Variants in PDC observed in about 807,000 individuals in gnomAD.
PDC encodes the protein 33 kDa phototransducing protein.
In PDC, 19 loss-of-function variants were observed where a neutral mutation model predicts 22.2. The ratio of observed to expected loss-of-function variants is 0.86; its 90% CI spans 0.60 to 1.26. PDC has a LOEUF of 1.26. PDC is among the 50% of genes most tolerant of loss of function. The pLI is 0.00. For missense variants in PDC, 274 were observed against 286.8 expected, an observed-to-expected ratio of 0.96 and a Z score of 0.32; for synonymous variants, 97 against 96.2, an observed-to-expected ratio of 1.01 and a Z score of -0.05.
In PDC at chr1:186,444,340, A is replaced by G. The variant is rs757024258; in HGVS notation, c.380T>C (p.Ile127Thr). The change falls in exon 4 of 4, where the codon ATT (isoleucine) becomes ACT (threonine). Residue 127 changes from isoleucine (I) to threonine (T), a missense_variant. By Grantham distance (89) the Ile-to-Thr change is moderately conservative (BLOSUM62 -1). Coordinates refer to ENST00000391997, the MANE Select transcript of PDC (RefSeq NM_002597.5). ...TGTGGTGATCTTCAGTTCCTTTTCAATTGTTTCTAGGAATTGCTTTCCAGT... is the reference window on the plus strand; with the variant it reads ...TGTGGTGATCTTCAGTTCCTTTTCAGTTGTTTCTAGGAATTGCTTTCCAGT... ...LETGKQFLET[I>T]EKELKITTIV... The G allele has an allele frequency of 2.2e-5, 35 of 1,614,010 alleles. No homozygotes were observed. Among genetic ancestry groups the G allele is most frequent in the Middle Eastern group, 1.7e-4 (1 of 6,060 alleles).
At chr1:186,450,530 G>C (rs762785559) in intron 1 of PDC, among the ~76,000 whole-genome samples, 7 of 151,428 alleles carry the variant, frequency 4.6e-5, no homozygotes, top group Non-Finnish European at 1.0e-4. Context: ...TTTATTTTTT[G>C]GTATGTTGCC....
chr1:186,453,634 C>T (rs1558129686), intron 1 of PDC, among the ~76,000 whole-genome samples: 1 of 152,152 alleles, frequency 6.6e-6, no homozygotes, highest in Non-Finnish European at 1.5e-5. Context: ...ATGTTTTGCT[C>T]CACTATTGTA....
Position 186,444,029 on chromosome 1 carries a change from C to T in PDC, c.691G>A (p.Glu231Lys), listed in dbSNP as rs750679238. 1.2e-6 allele frequency: 2 copies of T among 1,612,556 alleles called. No homozygotes were observed. The highest frequency in any genetic ancestry group is 1.7e-6 in the Non-Finnish European group (2 of 1,178,606). Residue 231 changes from glutamate (E) to lysine (K), a missense_variant, in exon 4 of 4, where the codon GAG (glutamate) becomes AAG (lysine). Glu to Lys is a moderately conservative substitution (Grantham distance 56). Transcript: ENST00000391997. ...LNEYGLLPER[E>K]VHVLEHTKIE... ...TTGGTATGCTCTAGGACATGTACCTCTCTTTCAGGTAGTAACCCATATTCA... is the reference window on the plus strand; with the variant it reads ...TTGGTATGCTCTAGGACATGTACCTTTCTTTCAGGTAGTAACCCATATTCA...
rs1047456596 is a variant in PDC at position 186,444,649 on chromosome 1, C to T, written c.214-143G>A. 7.8e-5 allele frequency: 47 copies of T among 599,108 alleles called. 1 individual carries two copies. Among genetic ancestry groups the T allele is most frequent in the African/African-American group, 4.7e-4 (25 of 53,718 alleles). 37.1% of individuals were successfully genotyped at this position (599,108 alleles called of 1,614,324 possible). On this transcript the variant is annotated intron_variant, in intron 3 of 3. Transcript: ENST00000391997. ...TACCTTTCACTCCTGATGTGCCTTTCTCTTTCACCTCATTGAAGCTTTTGT... is the reference window on the plus strand; with the variant it reads ...TACCTTTCACTCCTGATGTGCCTTTTTCTTTCACCTCATTGAAGCTTTTGT...
intron 2 of PDC, among the ~76,000 whole-genome samples, chr1:186,448,115 T>C (rs1435932702): frequency 3.3e-5 from 5 of 152,176 alleles, no homozygotes; most frequent in African/African-American, 4.8e-5. Flanking sequence ...GAGTGAAGAA[T>C]CTTGTGCATA....
chr1:186,456,014 T>C lies in PDC; in HGVS notation c.-25+5045A>G, dbSNP rs1473680976. The stretch of plus-strand genomic sequence containing the variant: ...AAAAAAATATATATATATATATATA[T>C]ATATATATATATGCATGCCAGTATT... On this transcript the variant is annotated intron_variant, in intron 1 of 3. Coordinates refer to ENST00000391997, the MANE Select transcript of PDC (RefSeq NM_002597.5). Among the ~76,000 whole-genome samples the C allele has an allele frequency of 4.1e-5, 5 of 121,908 alleles. No individual in the cohort carries two copies. The East Asian group carries it at 6.9e-4, about 17-fold the overall frequency. The allele number at this position is 121,908 out of a possible 152,430, so 80.0% of individuals were successfully genotyped here. A position where few individuals can be genotyped will look rare whatever the true frequency, so the allele number is the denominator to read the frequency against.
chr1:186,455,253 G>C (rs546468668), intron 1 of PDC, among the ~76,000 whole-genome samples: 1 of 152,116 alleles, frequency 6.6e-6, no homozygotes, highest in East Asian at 1.9e-4. Context: ...TTAGCTCCCC[G>C]GTGTCTTTTC....
intron 3 of PDC, 32 bp from the exon 4 acceptor site, chr1:186,444,538 G>A (rs777177713): frequency 1.4e-6 from 2 of 1,446,270 alleles, no homozygotes; most frequent in East Asian, 2.3e-5. Context: ...AAATTATTAA[G>A]TCAGAAGTTT....
intron 1 of PDC, among the ~76,000 whole-genome samples, chr1:186,450,116 ACT>A (rs1214528444): frequency 6.6e-6 from 1 of 152,074 alleles, no homozygotes; most frequent in Non-Finnish European, 1.5e-5. Flanking sequence ...TTTGGAGCCA[ACT>A]CTTAATCATT....
At position 186,444,500 on chromosome 1, in the gene PDC, T is replaced by C; in HGVS notation, c.220A>G (p.Ile74Val). The C allele has an allele frequency of 1.9e-6, 3 of 1,578,712 alleles. No homozygotes were observed. Among genetic ancestry groups the C allele is most frequent in the Non-Finnish European group, 2.6e-6 (3 of 1,151,712 alleles). ...TTATGGATTAGTTCATATTCTTGAA[T>C]GCTCATCTGAGAATAAAGAAATGAT... ...SKERVSRKMS[I>V]QEYELIHKEK... is the part of the protein sequence containing the mutation. Residue 74 changes from isoleucine to valine, a missense_variant, in exon 4 of 4, where the codon ATT (isoleucine) becomes GTT (valine). Physicochemically the swap from Ile to Val is conservative, Grantham distance 29 (BLOSUM62 3). Transcript: ENST00000391997.
rs146526347 is a variant in PDC at position 186,456,500 on chromosome 1, C to T, written c.-25+4559G>A. On this transcript the variant is annotated intron_variant, in intron 1 of 3. Coordinates refer to ENST00000391997, the MANE Select transcript of PDC (RefSeq NM_002597.5). ...CCAAGTACAAAGTAAAGAAATTAAA[C>T]AGCCAAACATTAAATTATCTATTTA... 1.4e-4 allele frequency among the ~76,000 whole-genome samples: 22 copies of T among 152,278 alleles called. No homozygotes were observed. In the East Asian group the frequency reaches 4.0e-3, roughly 28 times the overall value.
At chr1:186,452,461 C>T (rs1000106181) in intron 1 of PDC, among the ~76,000 whole-genome samples, 3 of 152,198 alleles carry the variant, frequency 2.0e-5, no homozygotes, top group Non-Finnish European at 2.9e-5. Flanking sequence ...TGGTCTCGAT[C>T]GCCTGACCAC....
chr1:186,457,134 C>G (rs1309863555), intron 1 of PDC, among the ~76,000 whole-genome samples: 6 of 152,170 alleles, frequency 3.9e-5, no homozygotes, highest in Non-Finnish European at 7.4e-5. Flanking sequence ...ATCTGATCAA[C>G]TAAGCTAAGC....
chr1:186,459,752 G>GTATA (rs56927589), intron 1 of PDC, among the ~76,000 whole-genome samples: 12,644 of 111,584 alleles, frequency 0.11, 846 homozygotes, highest in Middle Eastern at 0.26. Context: ...GTGTGTGTGT[G>GTATA]TATATATATA....
intron 1 of PDC, among the ~76,000 whole-genome samples, chr1:186,459,587 G>A (rs1028567917): frequency 4.0e-5 from 6 of 151,480 alleles, no homozygotes; most frequent in African/African-American, 1.5e-4. Context: ...ATTATGAATG[G>A]TTCATATATA....
At chr1:186,447,844 G>A (rs1160746137) in intron 2 of PDC, among the ~76,000 whole-genome samples, 1 of 149,398 alleles carries the variant, frequency 6.7e-6, no homozygotes, top group Non-Finnish European at 1.5e-5. Flanking sequence ...ATACATGTGT[G>A]TATGTTTGTT....
At chr1:186,445,149 A>G (rs1404087214) in intron 3 of PDC, among the ~76,000 whole-genome samples, 1 of 152,198 alleles carries the variant, frequency 6.6e-6, no homozygotes, top group East Asian at 1.9e-4. Context: ...TGTATTTAAC[A>G]GAATATTAAG....
chr1:186,450,473 G>A (rs967487819), intron 1 of PDC, among the ~76,000 whole-genome samples: 1 of 151,910 alleles, frequency 6.6e-6, no homozygotes, highest in Non-Finnish European at 1.5e-5. Context: ...TGAGCGGCGG[G>A]GACTACAGGT....
intron 1 of PDC, 104 bp from the exon 2 acceptor site, chr1:186,449,587 C>A: frequency 1.9e-6 from 1 of 516,520 alleles, no homozygotes; most frequent in East Asian, 2.9e-5. Flanking sequence ...TAGTCTCCTG[C>A]TGCCAGATTC....
Sources: gnomAD v4.1 joint callset for allele counts (sites outside exome capture counted in the v4.1 genomes callset) on GRCh38, gnomAD v4.1.1 for gene constraint, MANE v1.5 for transcripts, NCBI Gene and HGNC (gene_info 2026-07-23, HGNC 2026-07-21) for gene names.